The following BMAL2 variants were observed in gnomAD, a reference collection of about 807,000 sequenced individuals.
The protein encoded by BMAL2 is basic helix-loop-helix ARNT like 2.
the BMAL2 span, among the ~76,000 whole-genome samples, chr12:27,336,337 C>A: frequency 6.6e-6 from 1 of 152,130 alleles, no homozygotes; most frequent in Admixed American, 6.5e-5. Flanking sequence ...TCTCAGCATC[C>A]CAGCCCTCTG....
At chr12:27,350,994 C>CCCCCTTT in the BMAL2 span, among the ~76,000 whole-genome samples, 34 of 94,248 alleles carry the variant, frequency 3.6e-4, no homozygotes, top group African/African-American at 6.5e-4. Flanking sequence ...CCCACCCCCC[C>CCCCCTTT]TTTTTTTTTT....
the BMAL2 span, chr12:27,402,665 CAAT>C: frequency 6.2e-7 from 1 of 1,611,774 alleles, no homozygotes; most frequent in African/African-American, 1.3e-5. Context: ...TTGTAGCTCT[CAAT>C]CATCAGAAGG....
the BMAL2 span, chr12:27,400,580 C>T: frequency 6.2e-7 from 1 of 1,613,676 alleles, no homozygotes. Flanking sequence ...ACTTGAGAAG[C>T]TGGCCTCCAA....
the BMAL2 span, chr12:27,390,011 G>A: frequency 1.3e-6 from 2 of 1,499,942 alleles, no homozygotes; most frequent in Non-Finnish European, 1.8e-6. Context: ...AATAATAGAT[G>A]GTCAGAAAAT....
the BMAL2 span, among the ~76,000 whole-genome samples, chr12:27,395,186 A>G: frequency 1.3e-5 from 2 of 152,224 alleles, no homozygotes; most frequent in African/African-American, 4.8e-5. Context: ...GGTTAATTAA[A>G]TTGGCATTTT....
the BMAL2 span, chr12:27,385,496 A>T: frequency 6.2e-7 from 1 of 1,606,704 alleles, no homozygotes; most frequent in South Asian, 1.1e-5. Flanking sequence ...ACAAATTCTT[A>T]TGTGGGAAGT....
chr12:27,339,944 G>T, the BMAL2 span, among the ~76,000 whole-genome samples: 1 of 152,256 alleles, frequency 6.6e-6, no homozygotes, highest in East Asian at 1.9e-4. Flanking sequence ...TTTTAATGGA[G>T]TTGTTTGTTT....
chr12:27,420,108 A>T, the BMAL2 span, among the ~76,000 whole-genome samples: 1 of 151,964 alleles, frequency 6.6e-6, no homozygotes, highest in South Asian at 2.1e-4. Flanking sequence ...ACCCTTTAGC[A>T]GTGTAATTTC....
At chr12:27,400,697 T>G in the BMAL2 span, 1 of 1,613,752 alleles carries the variant, frequency 6.2e-7, no homozygotes, top group Non-Finnish European at 8.5e-7. Context: ...CACAGAACAG[T>G]GGAGAGATTA....
the BMAL2 span, chr12:27,394,627 A>C: frequency 1.3e-5 from 2 of 152,336 alleles, no homozygotes; most frequent in Non-Finnish European, 2.9e-5. Flanking sequence ...CTTTTACCTA[A>C]GGAAGCAATT....
At chr12:27,367,829 T>C in the BMAL2 span, among the ~76,000 whole-genome samples, 23 of 40,896 alleles carry the variant, frequency 5.6e-4, no homozygotes, top group Non-Finnish European at 1.2e-3. Context: ...TGTGTGTGTG[T>C]GTATATATAT....
the BMAL2 span, among the ~76,000 whole-genome samples, chr12:27,377,217 A>G: frequency 6.6e-6 from 1 of 152,172 alleles, no homozygotes; most frequent in Non-Finnish European, 1.5e-5. Flanking sequence ...CAGAATTAGG[A>G]GCCAGAGCTC....
the BMAL2 span, chr12:27,376,477 G>A: frequency 3.6e-6 from 4 of 1,100,300 alleles, no homozygotes; most frequent in African/African-American, 6.3e-5. Flanking sequence ...CACCAAGGTA[G>A]AAGGGCTTGA....
At chr12:27,369,646 C>G in the BMAL2 span, among the ~76,000 whole-genome samples, 2 of 152,048 alleles carry the variant, frequency 1.3e-5, no homozygotes, top group Non-Finnish European at 2.9e-5. Flanking sequence ...CTTCCTTATT[C>G]TTCAGAATCA....
At chr12:27,401,217 A>G in the BMAL2 span, 2 of 1,480,006 alleles carry the variant, frequency 1.4e-6, no homozygotes, top group East Asian at 2.3e-5. Flanking sequence ...GAGGGAGTAC[A>G]CTCACCACTT....
At chr12:27,417,056 GTTTA>G in the BMAL2 span, among the ~76,000 whole-genome samples, 2 of 152,132 alleles carry the variant, frequency 1.3e-5, no homozygotes, top group African/African-American at 4.8e-5. Flanking sequence ...GTTAGCACGT[GTTTA>G]TTAGGTATCC....
the BMAL2 span, among the ~76,000 whole-genome samples, chr12:27,374,325 A>G: frequency 3.9e-5 from 6 of 152,216 alleles, no homozygotes; most frequent in Non-Finnish European, 7.4e-5. Flanking sequence ...TCTTGTTATT[A>G]TTCTCTAAAC....
the BMAL2 span, among the ~76,000 whole-genome samples, chr12:27,409,193 C>T: frequency 6.6e-6 from 1 of 152,082 alleles, no homozygotes; most frequent in Non-Finnish European, 1.5e-5. Context: ...AGATTCAATG[C>T]CATCCCCATC....
chr12:27,344,455 A>G, the BMAL2 span, among the ~76,000 whole-genome samples: 2 of 152,154 alleles, frequency 1.3e-5, no homozygotes, highest in Non-Finnish European at 2.9e-5. Flanking sequence ...ATTGCAAGGG[A>G]TTGGTTTATG....
Sources: allele counts gnomAD v4.1 joint callset (sites outside exome capture counted in the v4.1 genomes callset), GRCh38; gene constraint gnomAD v4.1.1; transcripts MANE v1.5; gene names NCBI Gene and HGNC (gene_info 2026-07-23, HGNC 2026-07-21).